ZNF609: variants seen among roughly 807,000 people sequenced by gnomAD.
The protein encoded by ZNF609 is zinc finger protein 609.
Under a neutral mutation model 109.5 loss-of-function variants are expected in ZNF609, and 11 were observed. The observed-to-expected ratio is 0.10, with a 90% CI of 0.06 to 0.17. The LOEUF is 0.17. Among genes scored for constraint, ZNF609 ranks in the 10% least tolerant of loss-of-function variants. The probability of loss-of-function intolerance (pLI) is 1.00; values close to 1 mark genes in which losing one functional copy is unlikely to be tolerated. For synonymous variants in ZNF609, 646 were observed against 662.0 expected, an observed-to-expected ratio of 0.98 and a Z score of 0.37; for missense variants, 1,559 against 1,772.4, an observed-to-expected ratio of 0.88 and a Z score of 2.16.
At chr15:64,591,853 C>T (rs897001787) in intron 2 of ZNF609, among the ~76,000 whole-genome samples, 3 of 151,992 alleles carry the variant, frequency 2.0e-5, no homozygotes, top group Non-Finnish European at 4.4e-5. Flanking sequence ...CTGGGACGAC[C>T]GGCACACACC....
Position 64,675,522 on chromosome 15 carries a change from C to T in ZNF609, c.2668C>T (p.Pro890Ser). 2 of 1,614,174 alleles carry T rather than the reference C, an allele frequency of 1.2e-6. No individual in the cohort carries two copies. Among genetic ancestry groups the T allele is most frequent in the Middle Eastern group, 3.3e-4 (2 of 6,062 alleles). ...CCCTCAGCCTCAGAGCAAAGACTCA[C>T]CATATTACCAAGGCTTTGAGAGTTA... is the stretch of plus-strand genomic sequence containing the variant. ...FPPQPQSKDS[P>S]YYQGFESYYS... Residue 890 changes from proline to serine, a missense_variant, in exon 5 of 10, where the codon CCA becomes TCA. Physicochemically the swap from Pro to Ser is moderately conservative, Grantham distance 74 (BLOSUM62 -1). Transcript: ENST00000326648.
chr15:64,668,265 C>T (rs1896678774), intron 3 of ZNF609, among the ~76,000 whole-genome samples: 1 of 152,086 alleles, frequency 6.6e-6, no homozygotes, highest in African/African-American at 2.4e-5. Flanking sequence ...CAGATTTTTC[C>T]CTATTCCTCC....
intron 3 of ZNF609, among the ~76,000 whole-genome samples, 170 bp from the exon 4 acceptor site, chr15:64,670,176 A>G (rs1896705359): frequency 6.6e-6 from 1 of 152,242 alleles, no homozygotes; most frequent in Non-Finnish European, 1.5e-5. Context: ...CCTCAGTAGC[A>G]TTGTAGGCAA....
intron 2 of ZNF609, among the ~76,000 whole-genome samples, chr15:64,606,558 CAAAAAAAA>C (rs71133455): frequency 1.1e-5 from 1 of 92,688 alleles, no homozygotes; most frequent in African/African-American, 4.0e-5. Flanking sequence ...GACTCCATCT[CAAAAAAAA>C]AAAAAAAAAA....
chr15:64,503,884 A>G (rs1366168366), intron 2 of ZNF609, among the ~76,000 whole-genome samples: 1 of 152,212 alleles, frequency 6.6e-6, no homozygotes, highest in Non-Finnish European at 1.5e-5. Flanking sequence ...CATGCATGCT[A>G]TCATATCCTG....
At chr15:64,564,457 G>T (rs1422307799) in intron 2 of ZNF609, among the ~76,000 whole-genome samples, 1 of 152,172 alleles carries the variant, frequency 6.6e-6, no homozygotes, top group African/African-American at 2.4e-5. Context: ...TATTTAAGGT[G>T]GCAGGGGTGT....
intron 1 of ZNF609, among the ~76,000 whole-genome samples, chr15:64,491,694 A>C (rs913393697): frequency 6.6e-6 from 1 of 152,018 alleles, no homozygotes. Flanking sequence ...CAAAAATAAA[A>C]AAATTAGCCG....
intron 2 of ZNF609, among the ~76,000 whole-genome samples, chr15:64,522,280 A>G (rs1893903035): frequency 6.6e-6 from 1 of 152,250 alleles, no homozygotes; most frequent in Non-Finnish European, 1.5e-5. Flanking sequence ...AAGGAAGAAC[A>G]TAAAAATTGT....
intron 2 of ZNF609, among the ~76,000 whole-genome samples, chr15:64,514,917 G>T (rs1250278701): frequency 6.6e-6 from 1 of 152,146 alleles, no homozygotes; most frequent in Non-Finnish European, 1.5e-5. Flanking sequence ...GATTAGAGGT[G>T]TGAGCCACTG....
intron 2 of ZNF609, among the ~76,000 whole-genome samples, chr15:64,576,223 CTACT>C (rs1233787756): frequency 6.6e-6 from 1 of 152,108 alleles, no homozygotes; most frequent in African/African-American, 2.4e-5. Flanking sequence ...TCAAATTTAT[CTACT>C]TAGTTTATAT....
intron 1 of ZNF609, among the ~76,000 whole-genome samples, chr15:64,476,643 T>G (rs7180406): frequency 0.064 from 9,726 of 152,252 alleles, 1,049 homozygotes; most frequent in African/African-American, 0.22. Flanking sequence ...TTTTCTCCTG[T>G]CTGCTCCTCT....
chr15:64,485,805 GTAA>G (rs1333435182), intron 1 of ZNF609, among the ~76,000 whole-genome samples: 1 of 152,094 alleles, frequency 6.6e-6, no homozygotes, highest in Non-Finnish European at 1.5e-5. Context: ...TCAAAAAATA[GTAA>G]TAATAATGCA....
chr15:64,645,007 T>TC (rs772138228), intron 3 of ZNF609, among the ~76,000 whole-genome samples: 1 of 147,858 alleles, frequency 6.8e-6, no homozygotes, highest in Non-Finnish European at 1.5e-5. Flanking sequence ...CTTTCTTTCT[T>TC]TCTTCCTTCC....
At chr15:64,554,231 G>C (rs942748452) in intron 2 of ZNF609, among the ~76,000 whole-genome samples, 1 of 151,956 alleles carries the variant, frequency 6.6e-6, no homozygotes, top group Non-Finnish European at 1.5e-5. Flanking sequence ...TTTCTTTTTC[G>C]GATTGAGAAA....
chr15:64,628,788 G>T (rs1460326500), intron 3 of ZNF609, among the ~76,000 whole-genome samples: 3 of 152,032 alleles, frequency 2.0e-5, no homozygotes, highest in African/African-American at 4.8e-5. Context: ...ACCACACCTG[G>T]CTAATTTTGT....
At chr15:64,481,950 A>T (rs1039856705) in intron 1 of ZNF609, among the ~76,000 whole-genome samples, 2 of 151,642 alleles carry the variant, frequency 1.3e-5, no homozygotes, top group Non-Finnish European at 1.5e-5. Flanking sequence ...ACACCTGGCT[A>T]ATTTTTATAT....
At chr15:64,643,647 G>A (rs1207222257) in intron 3 of ZNF609, 3 of 152,136 alleles carry the variant, frequency 2.0e-5, no homozygotes, top group African/African-American at 4.8e-5. Flanking sequence ...CTAGAGAATA[G>A]GACCAAATTG....
intron 2 of ZNF609, among the ~76,000 whole-genome samples, chr15:64,511,193 C>T (rs925511780): frequency 6.6e-5 from 10 of 151,762 alleles, no homozygotes; most frequent in Admixed American, 3.9e-4. Flanking sequence ...GTATAGGGGC[C>T]AGGCTCGGTG....
rs192594176 is a variant in ZNF609 at position 64,476,240 on chromosome 15, T to C, written c.-128+15402T>C. Among the ~76,000 whole-genome samples the C allele has an allele frequency of 2.0e-5, 3 of 152,188 alleles. No homozygotes were observed. In the East Asian group the frequency reaches 5.8e-4, roughly 29 times the overall value. On this transcript the variant is annotated intron_variant, in intron 1 of 9. Transcript: ENST00000326648. ...TCTTTCTCACTTCATTCCATAAATATTTATTGGATGCCCTGTTCTAGTTGT... is the reference window on the plus strand; with the variant it reads ...TCTTTCTCACTTCATTCCATAAATACTTATTGGATGCCCTGTTCTAGTTGT...
Sources: allele counts gnomAD v4.1 joint callset (sites outside exome capture counted in the v4.1 genomes callset), GRCh38; gene constraint gnomAD v4.1.1; transcripts MANE v1.5; gene names NCBI Gene and HGNC (gene_info 2026-07-23, HGNC 2026-07-21).